The following HIBADH variants were observed in gnomAD, a reference collection of about 807,000 sequenced individuals.
The protein encoded by HIBADH is 3-hydroxyisobutyrate dehydrogenase, also known as 3-hydroxyisobutyrate dehydrogenase, mitochondrial.
Under a neutral mutation model 36.1 loss-of-function variants are expected in HIBADH, and 25 were observed. The observed-to-expected ratio is 0.69, with a 90% CI of 0.50 to 0.97. HIBADH has a LOEUF of 0.97. Ranked by LOEUF, HIBADH falls within the 50% of genes least tolerant of loss-of-function variation. HIBADH has a pLI of 0.00. For synonymous variants in HIBADH, 160 were observed against 149.5 expected (o/e 1.07, Z -0.51); for missense variants, 421 against 418.0 (o/e 1.01, Z -0.06).
At chr7:27,644,194 G>A (rs1391814510) in intron 2 of HIBADH, among the ~76,000 whole-genome samples, 1 of 152,126 alleles carries the variant, frequency 6.6e-6, no homozygotes, top group Non-Finnish European at 1.5e-5. Context: ...GGCCAGGCAT[G>A]GTGGCTCACG....
chr7:27,577,164 C>CTTTTTTTTTTTT (rs35467427), intron 4 of HIBADH, among the ~76,000 whole-genome samples: 1 of 143,888 alleles, frequency 6.9e-6, no homozygotes, highest in Non-Finnish European at 1.5e-5. Context: ...CATCATTTCT[C>CTTTTTTTTTTTT]TCTTTTTTTT....
intron 2 of HIBADH, among the ~76,000 whole-genome samples, chr7:27,635,086 A>ATGTG (rs3072901): frequency 0.3 from 44,387 of 149,378 alleles, 7,231 homozygotes; most frequent in East Asian, 0.45. Context: ...CTCTCTGTGC[A>ATGTG]TGTGTGTGTG....
chr7:27,605,908 T>TTAGGTTTTTGGAAACTGAGCTGTTC, intron 4 of HIBADH, among the ~76,000 whole-genome samples: 1 of 152,312 alleles, frequency 6.6e-6, no homozygotes, highest in African/African-American at 2.4e-5. Flanking sequence ...TTAGCTGGAC[T>TTAGGTTTTTGGAAACTGAGCTGTTC]TAGGTTTTTG....
rs965061620 is a variant in HIBADH at position 27,545,971 on chromosome 7, A to G, written c.485-2871T>C. 7.2e-5 allele frequency among the ~76,000 whole-genome samples: 11 copies of G among 152,346 alleles called. No individual in the cohort carries two copies. In the South Asian group the frequency reaches 2.3e-3, roughly 32 times the overall value. On this transcript the variant is annotated intron_variant, in intron 4 of 7. Coordinates refer to ENST00000265395, the MANE Select transcript of HIBADH (RefSeq NM_152740.4). The stretch of plus-strand genomic sequence containing the variant: ...GGAAATGTTATATTTTGTTTTGGGG[A>G]TGTGCCACTTGCTGGCAAATTGTGT...
intron 4 of HIBADH, among the ~76,000 whole-genome samples, chr7:27,595,579 G>GGTGTGTGTGTGTGTGT (rs3219776): frequency 2.3e-4 from 33 of 143,430 alleles, no homozygotes; most frequent in Admixed American, 1.8e-3. Flanking sequence ...CATAAGGGCA[G>GGTGTGTGTGTGTGTGT]GTGTGTGTGT....
chr7:27,593,521 T>C (rs2128289292), intron 4 of HIBADH, among the ~76,000 whole-genome samples: 1 of 152,290 alleles, frequency 6.6e-6, no homozygotes, highest in Middle Eastern at 3.4e-3. Context: ...TTCTTCAACA[T>C]AATTTTTCAA....
rs890062654 is a variant in HIBADH, at chr7:27,628,652, A to T, written c.484+719T>A. Among the ~76,000 whole-genome samples the T allele has an allele frequency of 1.5e-4, 23 of 152,228 alleles. 1 individual carries two copies. The highest frequency in any genetic ancestry group is 1.9e-4 in the Non-Finnish European group (13 of 67,944). On this transcript the variant is annotated intron_variant, in intron 4 of 7. Coordinates refer to ENST00000265395, the MANE Select transcript of HIBADH (RefSeq NM_152740.4). Reference sequence around the variant, plus strand: ...GACTTTTAACCATGTTAACATGGTAAATTATATGCACAGATTTTCTAAAAT... The same window carrying T: ...GACTTTTAACCATGTTAACATGGTATATTATATGCACAGATTTTCTAAAAT...
chr7:27,599,603 AC>A (rs1785090551), intron 4 of HIBADH, among the ~76,000 whole-genome samples: 1 of 138,354 alleles, frequency 7.2e-6, no homozygotes, highest in African/African-American at 2.7e-5. Context: ...AATGGCGTGA[AC>A]CCGGGAGGCG....
intron 4 of HIBADH, among the ~76,000 whole-genome samples, chr7:27,605,103 T>A (rs1785196059): frequency 6.6e-6 from 1 of 152,174 alleles, no homozygotes; most frequent in Non-Finnish European, 1.5e-5. Context: ...TTAAGTAATT[T>A]AATTGTTTCT....
At chr7:27,652,922 A>T (rs1786223802) in intron 1 of HIBADH, among the ~76,000 whole-genome samples, 1 of 152,094 alleles carries the variant, frequency 6.6e-6, no homozygotes, top group Non-Finnish European at 1.5e-5. Context: ...TGAGGTCAGG[A>T]GTTTGAGACC....
chr7:27,596,226 G>A (rs532062377), intron 4 of HIBADH, among the ~76,000 whole-genome samples: 110 of 152,258 alleles, frequency 7.2e-4, no homozygotes, highest in African/African-American at 2.6e-3. Flanking sequence ...GGCATGCTGT[G>A]TCCTCACATG....
chr7:27,607,305 C>T (rs1287352638), intron 4 of HIBADH, among the ~76,000 whole-genome samples: 5 of 152,044 alleles, frequency 3.3e-5, no homozygotes, highest in Admixed American at 6.6e-5. Flanking sequence ...GTCAGGAGTT[C>T]GAGGCCAGCC....
intron 1 of HIBADH, among the ~76,000 whole-genome samples, chr7:27,657,052 C>T (rs752826665): frequency 1.6e-4 from 24 of 152,088 alleles, no homozygotes; most frequent in Non-Finnish European, 3.2e-4. Flanking sequence ...GAGCTGCCAG[C>T]CCTAAGTTAA....
At chr7:27,547,645 T>A (rs901639336) in intron 4 of HIBADH, among the ~76,000 whole-genome samples, 1 of 152,144 alleles carries the variant, frequency 6.6e-6, no homozygotes, top group African/African-American at 2.4e-5. Context: ...AAAGCATTTC[T>A]ATCATTCCAG....
intron 4 of HIBADH, among the ~76,000 whole-genome samples, chr7:27,606,895 CAACT>C (rs1188747917): frequency 6.6e-6 from 1 of 151,972 alleles, no homozygotes; most frequent in Non-Finnish European, 1.5e-5. Context: ...TAGAAACTAC[CAACT>C]AAAATGGAAG....
chr7:27,557,076 G>A (rs539089700), intron 4 of HIBADH, among the ~76,000 whole-genome samples: 7 of 151,532 alleles, frequency 4.6e-5, no homozygotes, highest in Admixed American at 1.3e-4. Context: ...GGAGGTTGAG[G>A]CTATAGCGAG....
At chr7:27,597,156 CA>C (rs531571912) in intron 4 of HIBADH, among the ~76,000 whole-genome samples, 137 of 151,992 alleles carry the variant, frequency 9.0e-4, no homozygotes, top group Admixed American at 5.4e-3. Context: ...CAGCGTAGCA[CA>C]AAAACCTGAT....
At chr7:27,555,593 A>C (rs937651828) in intron 4 of HIBADH, among the ~76,000 whole-genome samples, 2 of 151,986 alleles carry the variant, frequency 1.3e-5, no homozygotes, top group African/African-American at 4.8e-5. Context: ...ATAGACCCCA[A>C]ATTGGTCTCC....
intron 7 of HIBADH, among the ~76,000 whole-genome samples, chr7:27,530,948 GCACACA>G (rs1446038173): frequency 4.0e-5 from 6 of 151,066 alleles, no homozygotes; most frequent in Non-Finnish European, 8.9e-5. Context: ...ACACACACAC[GCACACA>G]CATACACACA....
Sources: allele counts gnomAD v4.1 joint callset (sites outside exome capture counted in the v4.1 genomes callset), GRCh38; gene constraint gnomAD v4.1.1; transcripts MANE v1.5; gene names NCBI Gene and HGNC (gene_info 2026-07-23, HGNC 2026-07-21).